ATP2B1: variants seen among roughly 807,000 people sequenced by gnomAD.
ATP2B1 encodes ATPase plasma membrane Ca2+ transporting 1, also known as plasma membrane calcium-transporting ATPase 1.
A neutral mutation model predicts 124.2 loss-of-function variants in ATP2B1; 14 were observed. The ratio of observed to expected loss-of-function variants is 0.11; its 90% confidence interval spans 0.07 to 0.18. The LOEUF (loss-of-function observed/expected upper bound fraction) is 0.18, where lower values mean the gene tolerates loss of function less well. ATP2B1 is among the 10% of genes least tolerant of loss of function. The pLI is 1.00. For missense variants in ATP2B1, 763 were observed against 1,466.1 expected (o/e 0.52, Z 7.83); for synonymous variants, 449 against 492.4 (o/e 0.91, Z 1.17).
intron 19 of ATP2B1, among the ~76,000 whole-genome samples, chr12:89,600,459 A>G (rs1875569121): frequency 6.6e-6 from 1 of 152,208 alleles, no homozygotes. Context: ...CCTATAGTAA[A>G]TATGAGGTAT....
intron 1 of ATP2B1, among the ~76,000 whole-genome samples, chr12:89,682,380 C>T (rs1034020724): frequency 7.9e-5 from 12 of 151,918 alleles, no homozygotes; most frequent in Middle Eastern, 3.4e-3. Flanking sequence ...TTAGGGGAAA[C>T]GAAACATGCA....
At position 89,610,930 on chromosome 12, in the gene ATP2B1, T is replaced by C. The variant is rs534371261; in HGVS notation, c.2247+263A>G. On this transcript the variant is annotated intron_variant, in intron 13 of 20. Transcript: ENST00000428670. ...TCTCCCATTACTCCCTTATACATAC[T>C]GTACTTCTGAAATTGGCCTAGATTC... 2.0e-5 allele frequency among the ~76,000 whole-genome samples: 3 copies of C among 152,308 alleles called. No individual in the cohort carries two copies. In the East Asian group the frequency reaches 5.8e-4, roughly 29 times the overall value.
chr12:89,709,024 C>T (rs1451629654), upstream of ATP2B1: 1 of 151,028 alleles, frequency 6.6e-6, no homozygotes, highest in Admixed American at 6.6e-5. Flanking sequence ...CGCCGCCGTC[C>T]GCAACAGCAG....
chr12:89,596,500 TGTTA>T (rs2057928638), intron 20 of ATP2B1, among the ~76,000 whole-genome samples: 1 of 152,104 alleles, frequency 6.6e-6, no homozygotes, highest in Non-Finnish European at 1.5e-5. Flanking sequence ...ACTAACTGTC[TGTTA>T]GATAATATGG....
chr12:89,652,699 A>C (rs1284881931), intron 2 of ATP2B1, among the ~76,000 whole-genome samples: 3 of 152,196 alleles, frequency 2.0e-5, no homozygotes, highest in Non-Finnish European at 4.4e-5. Context: ...AAAACTATGA[A>C]TATTCCTTTG....
At position 89,645,351 on chromosome 12, in the gene ATP2B1, C is replaced by T. The variant is rs533551095; in HGVS notation, c.209-2996G>A. On this transcript the variant is annotated intron_variant, in intron 2 of 20. Transcript: ENST00000428670. ...ACAGTTTTGTAACAATAGTCTGTTT[C>T]CCAATACATATTTACTGAATATTTA... 1.2e-4 allele frequency among the ~76,000 whole-genome samples: 18 copies of T among 152,254 alleles called. No homozygotes were observed. In the South Asian group the frequency reaches 3.1e-3, roughly 26 times the overall value.
chr12:89,624,760 A>C (rs547614335), intron 8 of ATP2B1, among the ~76,000 whole-genome samples: 1 of 152,370 alleles, frequency 6.6e-6, no homozygotes, highest in South Asian at 2.1e-4. Context: ...CCTGATGCTT[A>C]AAGAGAAACT....
intron 2 of ATP2B1, among the ~76,000 whole-genome samples, chr12:89,651,772 TTAAAGCATGG>T (rs1220558440): frequency 9.8e-5 from 15 of 152,302 alleles, no homozygotes; most frequent in African/African-American, 3.6e-4. Flanking sequence ...AATGCAGTGG[TTAAAGCATGG>T]TCTCTGAAGC....
chr12:89,603,435 T>C lies in ATP2B1; in HGVS notation c.2849-181A>G. 1 of 652,512 alleles carries C rather than the reference T, an allele frequency of 1.5e-6. No homozygotes were observed. The highest frequency in any genetic ancestry group is 2.6e-6 in the Non-Finnish European group (1 of 389,894). The allele number at this position is 652,512 out of a possible 1,614,324, so 40.4% of individuals were successfully genotyped here. A position where few individuals can be genotyped will look rare whatever the true frequency, so the allele number is the denominator to read the frequency against. ...GTTTTATAGGCAAGGAAACAGAAGC[T>C]CCCAAAACTATGGTGATAATCTCAG... On this transcript the variant is annotated intron_variant, in intron 17 of 20. Coordinates refer to ENST00000428670, the MANE Select transcript of ATP2B1 (RefSeq NM_001366521.1). The surrounding 1 kb of genome is among the most constrained non-coding windows in gnomAD (Gnocchi z 4.3).
chr12:89,657,534 G>GA (rs1232989199), intron 1 of ATP2B1, among the ~76,000 whole-genome samples: 3 of 152,142 alleles, frequency 2.0e-5, no homozygotes, highest in Non-Finnish European at 4.4e-5. Context: ...ATTAGAACTA[G>GA]AAAAGATTAG....
At chr12:89,595,534 A>G (rs1431014630) in intron 20 of ATP2B1, among the ~76,000 whole-genome samples, 1 of 152,104 alleles carries the variant, frequency 6.6e-6, no homozygotes. Context: ...GTCTAAATGG[A>G]TTATTTCTTC....
chr12:89,623,875 GAA>G (rs1214178605), intron 9 of ATP2B1, among the ~76,000 whole-genome samples: 2 of 152,172 alleles, frequency 1.3e-5, no homozygotes, highest in Admixed American at 1.3e-4. Context: ...TTACAGACGG[GAA>G]AGAGGAGGTG....
chr12:89,654,037 T>A (rs1025084796), intron 2 of ATP2B1, among the ~76,000 whole-genome samples: 5 of 152,210 alleles, frequency 3.3e-5, no homozygotes, highest in African/African-American at 1.2e-4. Context: ...AATTTGATGA[T>A]GATAAAACAA....
At position 89,589,103 on chromosome 12, in the gene ATP2B1, G is replaced by A. The variant is rs1873110668; in HGVS notation, c.*1881C>T. On this transcript the variant is annotated 3_prime_UTR_variant, in exon 21 of 21. Coordinates refer to ENST00000428670, the MANE Select transcript of ATP2B1 (RefSeq NM_001366521.1). ...GATGAATAAATGTACAATTACAAAT[G>A]CTGACAGAGCCAATGTGTTTCTAAG... 1 of 152,542 alleles carries A rather than the reference G, an allele frequency of 6.6e-6. No homozygotes were observed. Among genetic ancestry groups the A allele is most frequent in the Admixed American group, 6.6e-5 (1 of 15,262 alleles). The allele number at this position is 152,542 out of a possible 1,614,324, so 9.4% of individuals were successfully genotyped here.
At position 89,621,714 on chromosome 12, in the gene ATP2B1, T is replaced by G. The variant is rs570355866; in HGVS notation, c.1422A>C (p.Ser474=). Residue 474 remains serine (S), a synonymous_variant, in exon 10 of 21, where the codon TCA becomes TCC. Transcript: ENST00000428670. ...TCATTGTCAAAGTTCCTGTTTTATC[T>G]GAACAAATAGCTGTAGCATTTCCCA... ...ETMGNATAIC[S]DKTGTLTMNR... The G allele has an allele frequency of 5.3e-5, 85 of 1,611,452 alleles. No homozygotes were observed. The South Asian group carries it at 8.8e-4, about 17-fold the overall frequency.
rs773832723 is a variant in ATP2B1, at chr12:89,611,175, A to G, written c.2247+18T>C. Reference sequence around the variant, plus strand: ...TAAACATCTGTCAACCAAAAACAAAATAATAATAAATCTTTACCTCTCCTT... The same window carrying G: ...TAAACATCTGTCAACCAAAAACAAAGTAATAATAAATCTTTACCTCTCCTT... On this transcript the variant is annotated intron_variant, in intron 13 of 20. Transcript: ENST00000428670. 6 of 1,564,764 alleles carry G rather than the reference A, an allele frequency of 3.8e-6. No homozygotes were observed. The highest frequency in any genetic ancestry group is 4.3e-6 in the Non-Finnish European group (5 of 1,162,342).
chr12:89,618,201 G>T (rs969536453), intron 11 of ATP2B1, among the ~76,000 whole-genome samples: 1 of 151,880 alleles, frequency 6.6e-6, no homozygotes, highest in African/African-American at 2.4e-5. Context: ...GCATTATCTG[G>T]CTTACTTCAA....
intron 12 of ATP2B1, among the ~76,000 whole-genome samples, chr12:89,612,774 T>C (rs770203780): frequency 7.2e-5 from 11 of 152,306 alleles, no homozygotes; most frequent in East Asian, 1.9e-4. Flanking sequence ...AGTCATACTA[T>C]AGTTATTGTT....
chr12:89,693,451 CAGA>C (rs907071907), intron 1 of ATP2B1, among the ~76,000 whole-genome samples: 1 of 152,074 alleles, frequency 6.6e-6, no homozygotes, highest in African/African-American at 2.4e-5. Flanking sequence ...CTGGACAGGA[CAGA>C]AGAACTTCAT....
Sources: gnomAD v4.1 joint callset for allele counts (sites outside exome capture counted in the v4.1 genomes callset) on GRCh38, gnomAD v4.1.1 for gene constraint, Gnocchi (gnomAD v3.1) non-coding constraint, MANE v1.5 for transcripts, NCBI Gene and HGNC (gene_info 2026-07-23, HGNC 2026-07-21) for gene names.